Variants in OSTM1 observed in about 807,000 individuals in gnomAD.
OSTM1 encodes osteoclastogenesis associated transmembrane protein 1.
Under a neutral mutation model 35.4 loss-of-function variants are expected in OSTM1, and 26 were observed. The ratio of observed to expected loss-of-function variants is 0.73; its 90% CI spans 0.54 to 1.02. The LOEUF is 1.02. OSTM1 is among the 50% of genes least tolerant of loss of function. The pLI is 0.00. For missense variants in OSTM1, 366 were observed against 409.6 expected (o/e 0.89, Z 0.92); for synonymous variants, 181 against 165.0 (o/e 1.10, Z -0.75).
chr6:108,067,095 C>G (rs190261713), intron 1 of OSTM1, among the ~76,000 whole-genome samples: 1 of 152,118 alleles, frequency 6.6e-6, no homozygotes, highest in South Asian at 2.1e-4. Context: ...AATCCCAAAC[C>G]GTACTCCTCA....
At chr6:108,049,180 C>G (rs939539534) in intron 5 of OSTM1, 73 bp downstream of exon 5, 3 of 993,586 alleles carry the variant, frequency 3.0e-6, no homozygotes, top group Non-Finnish European at 4.6e-6. Context: ...GAGTAGCTAT[C>G]ATTTCTAAAA....
At chr6:108,055,083 C>T (rs1477125550) in intron 2 of OSTM1, among the ~76,000 whole-genome samples, 1 of 152,030 alleles carries the variant, frequency 6.6e-6, no homozygotes, top group Non-Finnish European at 1.5e-5. Flanking sequence ...AGTTGGGAGC[C>T]CAGAGAAACA....
At chr6:108,068,192 T>C (rs1389523532) in intron 1 of OSTM1, among the ~76,000 whole-genome samples, 1 of 152,196 alleles carries the variant, frequency 6.6e-6, no homozygotes, top group African/African-American at 2.4e-5. Context: ...CAATTCTTCC[T>C]TCTCAGTCAC....
intron 5 of OSTM1, among the ~76,000 whole-genome samples, chr6:108,046,050 G>A (rs1054615963): frequency 6.6e-5 from 10 of 151,782 alleles, no homozygotes; most frequent in African/African-American, 2.4e-4. Flanking sequence ...CACCCAGGCT[G>A]GAGTGCAATG....
At chr6:108,067,176 TG>T (rs67606091) in intron 1 of OSTM1, among the ~76,000 whole-genome samples, 41,710 of 152,056 alleles carry the variant, frequency 0.27, 6,105 homozygotes, top group Admixed American at 0.45. Flanking sequence ...CCAGAAACTC[TG>T]ATCTCTCTCC....
At chr6:108,064,323 A>G in intron 1 of OSTM1, 24 bp from the exon 2 acceptor site, 1 of 1,241,768 alleles carries the variant, frequency 8.1e-7, no homozygotes, top group South Asian at 1.2e-5. Context: ...AAGACAGAAA[A>G]ATACAATCTG....
At chr6:108,057,372 T>C (rs1326602742) in intron 2 of OSTM1, among the ~76,000 whole-genome samples, 1 of 152,206 alleles carries the variant, frequency 6.6e-6, no homozygotes, top group Non-Finnish European at 1.5e-5. Flanking sequence ...GTTTTTGTAG[T>C]TGATGTGTTG....
At chr6:108,062,985 G>GCCTCTGCCCATGAC (rs11267778) in intron 2 of OSTM1, among the ~76,000 whole-genome samples, 150,334 of 151,876 alleles carry the variant, frequency 0.99, 74,407 homozygotes, top group Middle Eastern at 1. Context: ...ATACCTCTGT[G>GCCTCTGCCCATGAC]ACTACCTGCA....
rs1353076456 is a variant in OSTM1, at chr6:108,042,922, C to A, written c.*1863G>T. Reference sequence around the variant, plus strand: ...TGTCAACATTCAGTACTATGCAAATCATTTTTCAATATGACAAAATGAAAA... The same window carrying A: ...TGTCAACATTCAGTACTATGCAAATAATTTTTCAATATGACAAAATGAAAA... On this transcript the variant is annotated 3_prime_UTR_variant, in exon 6 of 6. Coordinates refer to ENST00000193322, the MANE Select transcript of OSTM1 (RefSeq NM_014028.4). 2.0e-5 allele frequency: 3 copies of A among 152,128 alleles called. No homozygotes were observed. Among genetic ancestry groups the A allele is most frequent in the Non-Finnish European group, 2.9e-5 (2 of 68,030 alleles). 9.4% of individuals were successfully genotyped at this position (152,128 alleles called of 1,614,324 possible).
At chr6:108,053,299 G>T (rs958923102) in intron 3 of OSTM1, among the ~76,000 whole-genome samples, 1 of 152,150 alleles carries the variant, frequency 6.6e-6, no homozygotes, top group Non-Finnish European at 1.5e-5. Flanking sequence ...TTGGCCACAG[G>T]TAACTGAAAC....
intron 3 of OSTM1, among the ~76,000 whole-genome samples, 158 bp downstream of exon 3, chr6:108,054,332 T>C (rs773060761): frequency 6.6e-6 from 1 of 152,176 alleles, no homozygotes; most frequent in Non-Finnish European, 1.5e-5. Flanking sequence ...GATTTGTAAG[T>C]AGAAGAACTT....
Position 108,044,708 on chromosome 6 carries a change from T to C in OSTM1, c.*77A>G. ...AAGAGCTTGACTTGTCAAATCACAG[T>C]TTATCTTCTTTCTGAAACCAAGTTG... On this transcript the variant is annotated 3_prime_UTR_variant, in exon 6 of 6. Coordinates refer to ENST00000193322, the MANE Select transcript of OSTM1 (RefSeq NM_014028.4). The C allele has an allele frequency of 1.2e-6, 1 of 811,612 alleles. No individual in the cohort carries two copies. The highest frequency in any genetic ancestry group is 1.6e-5 in the South Asian group (1 of 63,662). 50.3% of individuals were successfully genotyped at this position (811,612 alleles called of 1,614,324 possible).
chr6:108,069,158 C>T (rs1772437220), intron 1 of OSTM1, among the ~76,000 whole-genome samples: 1 of 152,212 alleles, frequency 6.6e-6, no homozygotes, highest in African/African-American at 2.4e-5. Context: ...ACACTTATCA[C>T]ACATGAATTA....
At chr6:108,055,165 C>G (rs1005103089) in intron 2 of OSTM1, among the ~76,000 whole-genome samples, 1 of 152,192 alleles carries the variant, frequency 6.6e-6, no homozygotes, top group African/African-American at 2.4e-5. Context: ...AATTGTTTTA[C>G]ATTTTTAAAA....
At chr6:108,062,132 T>C (rs1193935570) in intron 2 of OSTM1, among the ~76,000 whole-genome samples, 1 of 152,104 alleles carries the variant, frequency 6.6e-6, no homozygotes, top group African/African-American at 2.4e-5. Context: ...TTAGGCACAG[T>C]AAGAGATTAA....
intron 5 of OSTM1, among the ~76,000 whole-genome samples, chr6:108,048,922 T>C (rs1772028752): frequency 6.6e-6 from 1 of 152,014 alleles, no homozygotes; most frequent in Admixed American, 6.5e-5. Flanking sequence ...CGGCTAATTT[T>C]TTGCATTTTT....
In OSTM1 at chr6:108,071,974, A is replaced by T. The variant is rs183584150; in HGVS notation, c.402+2276T>A. ...AATTCATATGGAAATTCACATGCAG[A>T]TTGGGTGATGCCCATAATACTGCAC... On this transcript the variant is annotated intron_variant, in intron 1 of 5. Transcript: ENST00000193322. 1.5e-3 allele frequency among the ~76,000 whole-genome samples: 227 copies of T among 152,294 alleles called. 1 individual carries two copies. Among genetic ancestry groups the T allele is most frequent in the African/African-American group, 5.2e-3 (215 of 41,564 alleles).
At chr6:108,053,900 A>C (rs1772125960) in intron 3 of OSTM1, among the ~76,000 whole-genome samples, 1 of 152,226 alleles carries the variant, frequency 6.6e-6, no homozygotes. Context: ...AAGTTTCAAA[A>C]CTACATTTTA....
chr6:108,066,661 G>A lies in OSTM1; in HGVS notation c.403-2362C>T, dbSNP rs1772384018. 2.0e-5 allele frequency among the ~76,000 whole-genome samples: 3 copies of A among 152,264 alleles called. 1 individual carries two copies. The South Asian group carries it at 6.2e-4, about 32-fold the overall frequency. ...AGTGAGATCAGAGTGGGTTGAACAGGGAATGGAAGATGAGGACATGGGAAG... is the reference window on the plus strand; with the variant it reads ...AGTGAGATCAGAGTGGGTTGAACAGAGAATGGAAGATGAGGACATGGGAAG... On this transcript the variant is annotated intron_variant, in intron 1 of 5. Transcript: ENST00000193322.
Sources: allele counts gnomAD v4.1 joint callset (sites outside exome capture counted in the v4.1 genomes callset), GRCh38; gene constraint gnomAD v4.1.1; transcripts MANE v1.5; gene names NCBI Gene and HGNC (gene_info 2026-07-23, HGNC 2026-07-21).